The following IRAG2 variants were observed in gnomAD, a reference collection of about 807,000 sequenced individuals.
The protein encoded by IRAG2 is lymphoid restricted membrane protein.
Under a neutral mutation model 69.9 loss-of-function variants are expected in IRAG2, and 45 were observed. The ratio of observed to expected loss-of-function variants is 0.64; its 90% CI spans 0.51 to 0.83. IRAG2 has a LOEUF of 0.83. Among genes scored for constraint, IRAG2 ranks in the 40% least tolerant of loss-of-function variants. The pLI is 0.00. For missense variants in IRAG2, 520 were observed against 587.0 expected, an observed-to-expected ratio of 0.89 and a Z score of 1.18; for synonymous variants, 193 against 202.4, an observed-to-expected ratio of 0.95 and a Z score of 0.40.
intron 2 of IRAG2, among the ~76,000 whole-genome samples, chr12:25,011,145 A>G (rs1944471661): frequency 1.3e-5 from 2 of 152,188 alleles, no homozygotes; most frequent in Non-Finnish European, 2.9e-5. Context: ...TAATATTCCC[A>G]AAGCTACACA....
upstream of IRAG2, chr12:25,052,535 G>C: frequency 2.5e-6 from 1 of 396,878 alleles, no homozygotes; most frequent in Non-Finnish European, 4.4e-6. Context: ...TAAGAGAGGC[G>C]GTATCAACAG....
chr12:25,066,560 A>C lies in IRAG2; in HGVS notation c.-59+48A>C, dbSNP rs1402189966. On this transcript the variant is annotated intron_variant, in intron 5 of 21. Transcript: ENST00000556887. ...TTACTCTACTCCTCATGGGTGGCCC[A>C]TTCCCATTGCCTAACATTTTAATTG... The C allele has an allele frequency of 1.5e-5, 6 of 400,578 alleles. No individual in the cohort carries two copies. In the East Asian group the frequency reaches 2.1e-4, roughly 14 times the overall value. The allele number at this position is 400,578 out of a possible 1,614,324, so 24.8% of individuals were successfully genotyped here. A position where few individuals can be genotyped will look rare whatever the true frequency, so the allele number is the denominator to read the frequency against.
intron 7 of IRAG2, among the ~76,000 whole-genome samples, chr12:25,023,398 A>G (rs1251642196): frequency 6.6e-6 from 1 of 151,248 alleles, no homozygotes; most frequent in African/African-American, 2.5e-5. Context: ...GTCCTGAAAT[A>G]TATTGATTTT....
At chr12:25,085,494 C>G (rs1479515711) in intron 10 of IRAG2, among the ~76,000 whole-genome samples, 1 of 152,192 alleles carries the variant, frequency 6.6e-6, no homozygotes, top group Non-Finnish European at 1.5e-5. Flanking sequence ...TGTCAGTCTG[C>G]CAGTCTGCTG....
intron 6 of IRAG2, among the ~76,000 whole-genome samples, chr12:25,018,493 C>T (rs1285830984): frequency 6.6e-6 from 1 of 152,076 alleles, no homozygotes; most frequent in Non-Finnish European, 1.5e-5. Context: ...GGAGGGGGAG[C>T]CACTGTGCCC....
At chr12:25,105,991 C>T (rs1949072295) in intron 20 of IRAG2, among the ~76,000 whole-genome samples, 1 of 152,086 alleles carries the variant, frequency 6.6e-6, no homozygotes, top group Non-Finnish European at 1.5e-5. Flanking sequence ...GGAAGAACAC[C>T]TCTTTAAATA....
chr12:25,076,277 A>C (rs549901497), intron 6 of IRAG2: 13 of 305,654 alleles, frequency 4.3e-5, no homozygotes, highest in Non-Finnish European at 6.2e-5. Flanking sequence ...AGGTAGTATT[A>C]AATGGCTACT....
chr12:25,036,129 A>G (rs982814883), intron 14 of IRAG2, among the ~76,000 whole-genome samples: 2 of 151,996 alleles, frequency 1.3e-5, no homozygotes, highest in African/African-American at 4.8e-5. Context: ...TCCTTTCTCC[A>G]TTTTGACTTT....
intron 2 of IRAG2, chr12:25,005,462 C>T (rs555978062): frequency 1.8e-5 from 8 of 447,312 alleles, no homozygotes; most frequent in Admixed American, 4.4e-5. Context: ...TCATTGTCTG[C>T]GTCTACATAT....
At chr12:25,002,161 G>C (rs966730967), upstream of IRAG2, among the ~76,000 whole-genome samples, 3 of 152,118 alleles carry the variant, frequency 2.0e-5, no homozygotes, top group African/African-American at 7.2e-5. Flanking sequence ...TGTGTTCAAG[G>C]GTGAAGCCTC....
chr12:25,047,179 G>T (rs942497112), intron 16 of IRAG2, among the ~76,000 whole-genome samples: 16 of 152,148 alleles, frequency 1.1e-4, no homozygotes, highest in Admixed American at 1.0e-3. Flanking sequence ...AATTAAAAAT[G>T]GATTAAAGAT....
At chr12:25,020,596 C>T (rs1944570512) in intron 6 of IRAG2, among the ~76,000 whole-genome samples, 1 of 152,178 alleles carries the variant, frequency 6.6e-6, no homozygotes, top group Admixed American at 6.5e-5. Context: ...CTCCATTCCC[C>T]ACTCCCCATT....
chr12:25,042,276 GCAAAGT>G (rs59031595), intron 16 of IRAG2, among the ~76,000 whole-genome samples: 118,983 of 151,432 alleles, frequency 0.79, 48,427 homozygotes, highest in South Asian at 0.89. Context: ...TATTTAGACA[GCAAAGT>G]CTGAGAAAGA....
exon 1 of IRAG2, chr12:25,004,632 A>T: frequency 8.1e-7 from 1 of 1,232,100 alleles, no homozygotes; most frequent in Non-Finnish European, 1.0e-6. Flanking sequence ...CAAGAACCCC[A>T]TCCACCTCTC....
At chr12:25,026,237 T>C (rs936128518) in intron 8 of IRAG2, among the ~76,000 whole-genome samples, 2 of 152,190 alleles carry the variant, frequency 1.3e-5, no homozygotes, top group African/African-American at 4.8e-5. Flanking sequence ...CAGTAAACAC[T>C]GAGGTTAAAG....
At chr12:25,079,143 G>A (rs1051751693) in intron 6 of IRAG2, 101 bp from the exon 7 acceptor site, 12 of 1,138,922 alleles carry the variant, frequency 1.1e-5, no homozygotes, top group African/African-American at 6.1e-5. Flanking sequence ...GAGTAAATAT[G>A]GGTTCATTTA....
rs2291366 is a variant in IRAG2 at position 25,052,867 on chromosome 12, C to T, written c.-536C>T. 24,449 of 398,536 alleles carry T rather than the reference C, an allele frequency of 0.061. 898 individuals are homozygous for T. The highest frequency in any genetic ancestry group is 0.077 in the Non-Finnish European group (17,408 of 226,032). 24.7% of individuals were successfully genotyped at this position (398,536 alleles called of 1,614,324 possible). ...TCTTTACTGCATAAATTAGAGGAAG[C>T]AATTTCGGAACAACGGAACCTTCAA... On this transcript the variant is annotated 5_prime_UTR_variant, in exon 1 of 22. Coordinates refer to ENST00000556887, the MANE Select transcript of IRAG2 (RefSeq NM_001366544.2).
chr12:25,012,267 G>A (rs994983415), intron 3 of IRAG2, among the ~76,000 whole-genome samples: 6 of 138,822 alleles, frequency 4.3e-5, no homozygotes, highest in Non-Finnish European at 7.6e-5. Context: ...CAATTCTCCC[G>A]CCACACCCTC....
In IRAG2 at chr12:25,018,445, A is replaced by G. The variant is rs114153954; in HGVS notation, c.1214+1153A>G. 2.4e-3 allele frequency among the ~76,000 whole-genome samples: 363 copies of G among 152,084 alleles called. 2 individuals carry two copies. The highest frequency in any genetic ancestry group is 8.1e-3 in the African/African-American group (335 of 41,498). ...GGTCTACAATGCCTGGTCTCAAGCA[A>G]TCTGCTCACCTCATCCTCCCAAAGT... On this transcript the variant is annotated intron_variant, in intron 6 of 38. Transcript: ENST00000636465.
Sources: allele counts gnomAD v4.1 joint callset (sites outside exome capture counted in the v4.1 genomes callset), GRCh38; gene constraint gnomAD v4.1.1; transcripts MANE v1.5; gene names NCBI Gene and HGNC (gene_info 2026-07-23, HGNC 2026-07-21).